COL15A1: variants seen among roughly 807,000 people sequenced by gnomAD.
The protein encoded by COL15A1 is collagen alpha-1(XV) chain.
In COL15A1, 111 loss-of-function variants were observed where a neutral mutation model predicts 165.9. The ratio of observed to expected loss-of-function variants is 0.67; its 90% CI spans 0.57 to 0.78. The LOEUF is 0.78. Among genes scored for constraint, COL15A1 ranks in the 30% least tolerant of loss-of-function variants. The pLI is 0.00. For synonymous variants in COL15A1, 659 were observed against 674.8 expected (o/e 0.98, Z 0.36); for missense variants, 1,745 against 1,789.7 (o/e 0.98, Z 0.45).
At chr9:98,973,427 T>C (rs1838093662) in intron 2 of COL15A1, among the ~76,000 whole-genome samples, 1 of 152,240 alleles carries the variant, frequency 6.6e-6, no homozygotes. Context: ...CCGAGCCAGG[T>C]CTACTTTCTA....
chr9:98,969,264 C>T (rs1017245127), intron 2 of COL15A1, among the ~76,000 whole-genome samples: 3 of 152,214 alleles, frequency 2.0e-5, no homozygotes, highest in Non-Finnish European at 2.9e-5. Context: ...CACCGCTATG[C>T]TTCATTCATC....
chr9:99,064,226 C>A (rs1825860563), intron 39 of COL15A1, among the ~76,000 whole-genome samples: 1 of 152,178 alleles, frequency 6.6e-6, no homozygotes, highest in African/African-American at 2.4e-5. Context: ...GTACTACTGA[C>A]TCAGTTCAGA....
chr9:98,973,663 G>GTTTCCA (rs1256382633), intron 2 of COL15A1, among the ~76,000 whole-genome samples: 1 of 152,232 alleles, frequency 6.6e-6, no homozygotes, highest in Non-Finnish European at 1.5e-5. Flanking sequence ...CAGGCAGAGA[G>GTTTCCA]CTGTGACATT....
chr9:98,951,083 A>T (rs1837680542), intron 2 of COL15A1, among the ~76,000 whole-genome samples: 1 of 152,110 alleles, frequency 6.6e-6, no homozygotes, highest in Non-Finnish European at 1.5e-5. Context: ...TGAGTGAGAG[A>T]GATGTGGGTA....
chr9:98,945,108 T>G (rs10819482), intron 2 of COL15A1, among the ~76,000 whole-genome samples: 10,533 of 152,144 alleles, frequency 0.069, 687 homozygotes, highest in Admixed American at 0.16. Context: ...ATGATTCCAG[T>G]ATATACTAGG....
intron 2 of COL15A1, among the ~76,000 whole-genome samples, chr9:98,977,355 C>T (rs1320782720): frequency 6.6e-6 from 1 of 152,182 alleles, no homozygotes. Context: ...AAGGTCAAGC[C>T]CATGGACCCA....
chr9:98,968,111 G>A (rs80275504), intron 2 of COL15A1, among the ~76,000 whole-genome samples: 2,241 of 152,254 alleles, frequency 0.015, 137 homozygotes, highest in East Asian at 0.12. Flanking sequence ...CTAGCTGTGT[G>A]ACCTAATCCC....
intron 30 of COL15A1, among the ~76,000 whole-genome samples, chr9:99,051,955 A>C (rs2117891421): frequency 6.6e-6 from 1 of 152,338 alleles, no homozygotes; most frequent in Middle Eastern, 3.4e-3. Context: ...GATTACATGC[A>C]ATAGCTAAGC....
rs1476622238 is a variant in COL15A1 at position 98,943,933 on chromosome 9, G to C, written c.-129G>C. 1 of 1,254,440 alleles carries C rather than the reference G, an allele frequency of 8.0e-7. No homozygotes were observed. Among genetic ancestry groups the C allele is most frequent in the Non-Finnish European group, 1.1e-6 (1 of 945,992 alleles). 77.7% of individuals were successfully genotyped at this position (1,254,440 alleles called of 1,614,324 possible). ...TTCTGCCCGCCGCCGCCGCTGCCGAGCGCCGCCTTTGTTCCCTGCAGGAAG... is the reference window on the plus strand; with the variant it reads ...TTCTGCCCGCCGCCGCCGCTGCCGACCGCCGCCTTTGTTCCCTGCAGGAAG... On this transcript the variant is annotated 5_prime_UTR_variant, in exon 1 of 42. Coordinates refer to ENST00000375001, the MANE Select transcript of COL15A1 (RefSeq NM_001855.5).
At chr9:99,034,357 G>A (rs1839259146) in intron 16 of COL15A1, among the ~76,000 whole-genome samples, 192 bp from the exon 17 acceptor site, 2 of 152,124 alleles carry the variant, frequency 1.3e-5, no homozygotes, top group Non-Finnish European at 2.9e-5. Flanking sequence ...GGTTTCACAA[G>A]CTTTCAGCAT....
intron 30 of COL15A1, among the ~76,000 whole-genome samples, chr9:99,051,961 T>A (rs1839596051): frequency 1.3e-5 from 2 of 152,240 alleles, no homozygotes; most frequent in Admixed American, 1.3e-4. Context: ...ATGCAATAGC[T>A]AAGCTAATGG....
At position 99,054,594 on chromosome 9, in the gene COL15A1, G is replaced by A. The variant is rs1035808629; in HGVS notation, c.2969G>A (p.Gly990Glu). 3.1e-6 allele frequency: 5 copies of A among 1,612,510 alleles called. No individual in the cohort carries two copies. Among genetic ancestry groups the A allele is most frequent in the Non-Finnish European group, 4.2e-6 (5 of 1,179,496 alleles). ...ITFHGVKGEK[G>E]SWGLPGSKGE... The stretch of plus-strand genomic sequence containing the variant: ...GTGGCAGGTGTTAAAGGAGAGAAAG[G>A]ATCCTGGGGTCTTCCTGGCTCAAAG... Residue 990 changes from glycine (G) to glutamate (E), a missense_variant, in exon 32 of 42, where the codon GGA (glycine) becomes GAA (glutamate). Transcript: ENST00000375001.
chr9:99,039,782 T>C (rs1457936596), intron 22 of COL15A1, among the ~76,000 whole-genome samples: 1 of 152,202 alleles, frequency 6.6e-6, no homozygotes, highest in East Asian at 1.9e-4. Context: ...TTGAGGCAAC[T>C]TGTAAGAAGT....
intron 16 of COL15A1, among the ~76,000 whole-genome samples, chr9:99,033,778 G>A (rs1318712530): frequency 3.9e-5 from 6 of 152,188 alleles, no homozygotes; most frequent in Non-Finnish European, 5.9e-5. Flanking sequence ...TGTGTGGCAT[G>A]CAATTGCTGA....
At chr9:98,983,172 G>A (rs778739976) in intron 2 of COL15A1, among the ~76,000 whole-genome samples, 4 of 152,204 alleles carry the variant, frequency 2.6e-5, no homozygotes, top group Admixed American at 6.5e-5. Flanking sequence ...TAGTACTGGC[G>A]GTGAGCAGCC....
In COL15A1 at chr9:99,067,022, T is replaced by A; in HGVS notation, c.3792T>A (p.Ile1264=). ...CCCATTTGCAAGATCTGTCCACCAT[T>A]GTGAGGAAAGCAGAGAGATACAGCC... is the stretch of plus-strand genomic sequence containing the variant. ...LSSHLQDLST[I]VRKAERYSLP... is the part of the protein sequence containing the mutation. The change falls in exon 40 of 42, where the codon ATT becomes ATA. Residue 1264 remains isoleucine, a synonymous_variant. Coordinates refer to ENST00000375001, the MANE Select transcript of COL15A1 (RefSeq NM_001855.5). 1.2e-6 allele frequency: 2 copies of A among 1,614,124 alleles called. No individual in the cohort carries two copies. Among genetic ancestry groups the A allele is most frequent in the Non-Finnish European group, 1.7e-6 (2 of 1,179,988 alleles).
rs115994578 is a variant in COL15A1, at chr9:99,052,511, G to T, written c.2950+78G>T. On this transcript the variant is annotated intron_variant, in intron 31 of 41. Coordinates refer to ENST00000375001, the MANE Select transcript of COL15A1 (RefSeq NM_001855.5). The stretch of plus-strand genomic sequence containing the variant: ...GATGGTTTTCCTTTGCCCAGTGCAG[G>T]GCGCAGACTAGGTGGTCAGGAAGGT... 1,895 of 1,200,944 alleles carry T rather than the reference G, an allele frequency of 1.6e-3. 24 individuals are homozygous for T. The African/African-American group carries it at 0.025, about 16-fold the overall frequency. 74.4% of individuals were successfully genotyped at this position (1,200,944 alleles called of 1,614,324 possible). A position where few individuals can be genotyped will look rare whatever the true frequency, so the allele number is the denominator to read the frequency against.
chr9:98,994,471 G>A (rs1838509849), intron 5 of COL15A1, among the ~76,000 whole-genome samples: 1 of 152,064 alleles, frequency 6.6e-6, no homozygotes, highest in African/African-American at 2.4e-5. Context: ...CTCCTTGGAG[G>A]CCATTATTTA....
chr9:98,983,451 A>C (rs1307748062), intron 2 of COL15A1, among the ~76,000 whole-genome samples: 1 of 152,142 alleles, frequency 6.6e-6, no homozygotes, highest in African/African-American at 2.4e-5. Context: ...TGGCTCGAAA[A>C]TGTCCTGCCA....
Sources: gnomAD v4.1 joint callset for allele counts (sites outside exome capture counted in the v4.1 genomes callset) on GRCh38, gnomAD v4.1.1 for gene constraint, MANE v1.5 for transcripts, NCBI Gene and HGNC (gene_info 2026-07-23, HGNC 2026-07-21) for gene names.